The following TLN2 variants were observed in gnomAD, a reference collection of about 807,000 sequenced individuals.
TLN2 encodes talin 2.
TLN2 carries 118 observed loss-of-function variants against 294.7 expected under a neutral mutation model. The ratio of observed to expected loss-of-function variants is 0.40; its 90% CI spans 0.34 to 0.47. The LOEUF is 0.47. Among genes scored for constraint, TLN2 ranks in the 20% least tolerant of loss-of-function variants. The pLI is 0.84. For synonymous variants in TLN2, 1,431 were observed against 1,304.5 expected, an observed-to-expected ratio of 1.10 and a Z score of -2.09; for missense variants, 3,083 against 3,282.2, an observed-to-expected ratio of 0.94 and a Z score of 1.48.
chr15:62,491,293 C>T (rs2038691287), intron 1 of TLN2, among the ~76,000 whole-genome samples: 1 of 150,368 alleles, frequency 6.7e-6, no homozygotes, highest in African/African-American at 2.5e-5. Flanking sequence ...TGCCACTGCA[C>T]TCCAGTCTGA....
intron 9 of TLN2, among the ~76,000 whole-genome samples, chr15:62,662,025 T>C (rs980181625): frequency 6.6e-6 from 1 of 152,156 alleles, no homozygotes; most frequent in African/African-American, 2.4e-5. Flanking sequence ...TAATTTAACA[T>C]ACTTCCCTCA....
chr15:62,445,552 G>A (rs1312609139), intron 1 of TLN2, among the ~76,000 whole-genome samples: 1 of 152,154 alleles, frequency 6.6e-6, no homozygotes, highest in African/African-American at 2.4e-5. Context: ...AAATGTAGCT[G>A]TTTGAGAAGT....
At chr15:62,763,530 G>T in intron 39 of TLN2, 33 bp from the exon 40 acceptor site, 1 of 1,579,646 alleles carries the variant, frequency 6.3e-7, no homozygotes, top group South Asian at 1.1e-5. Flanking sequence ...GAGCCCCATG[G>T]AGCCTGTGTC....
At chr15:62,529,413 G>A (rs1009319373) in intron 1 of TLN2, among the ~76,000 whole-genome samples, 1 of 152,090 alleles carries the variant, frequency 6.6e-6, no homozygotes, top group Admixed American at 6.6e-5. Context: ...ATCGTCTACT[G>A]TAAAGTAACT....
intron 3 of TLN2, among the ~76,000 whole-genome samples, chr15:62,621,440 C>G (rs1036630111): frequency 5.3e-5 from 8 of 152,166 alleles, no homozygotes; most frequent in Non-Finnish European, 8.8e-5. Context: ...AGAAATGATT[C>G]TCTTGGTCAA....
chr15:62,740,719 T>C lies in TLN2; in HGVS notation c.3975T>C (p.Ser1325=). 6.2e-7 allele frequency: 1 copy of C among 1,614,208 alleles called. No homozygotes were observed. The highest frequency in any genetic ancestry group is 1.7e-5 in the Admixed American group (1 of 60,024). ...TGCTGTTAGCTGCCAAGTCTCTCTC[T>C]GTAGATCCAGGAGCTCCCAATGCGA... ...SKLLLAAKSL[S]VDPGAPNAKN... is the part of the protein sequence containing the mutation. The change falls in exon 32 of 59, where the codon TCT becomes TCC. Residue 1325 remains serine, a synonymous_variant. Transcript: ENST00000636159.
intron 2 of TLN2, among the ~76,000 whole-genome samples, chr15:62,616,766 C>T (rs77492484): frequency 0.023 from 3,534 of 152,318 alleles, 75 homozygotes; most frequent in South Asian, 0.075. Context: ...TTCTTAACAT[C>T]ATTATATTCA....
chr15:62,746,004 C>G (rs996472515), intron 32 of TLN2, among the ~76,000 whole-genome samples: 30 of 151,954 alleles, frequency 2.0e-4, no homozygotes, highest in Non-Finnish European at 7.4e-5. Context: ...TGGTTTTTGT[C>G]CCAAGTTTTT....
At chr15:62,695,205 T>C (rs1451890740) in intron 14 of TLN2, among the ~76,000 whole-genome samples, 2 of 152,228 alleles carry the variant, frequency 1.3e-5, no homozygotes, top group African/African-American at 4.8e-5. Flanking sequence ...TTTATGTTAA[T>C]AGAGCAATGT....
At chr15:62,726,640 G>A (rs2060456917) in intron 27 of TLN2, among the ~76,000 whole-genome samples, 2 of 152,158 alleles carry the variant, frequency 1.3e-5, no homozygotes, top group South Asian at 4.1e-4. Context: ...TGCCAGGAAG[G>A]TGGTGCAGCT....
intron 1 of TLN2, among the ~76,000 whole-genome samples, chr15:62,501,312 A>G (rs975695720): frequency 6.6e-6 from 1 of 152,136 alleles, no homozygotes; most frequent in Non-Finnish European, 1.5e-5. Flanking sequence ...AGCAGGCCAC[A>G]TGTGTCTCTC....
At chr15:62,590,978 T>C (rs2046031120) in intron 2 of TLN2, among the ~76,000 whole-genome samples, 1 of 147,268 alleles carries the variant, frequency 6.8e-6, no homozygotes, top group African/African-American at 2.7e-5. Context: ...GACCTATTTC[T>C]ATTTTTTTTT....
chr15:62,595,820 G>A (rs532823631), intron 2 of TLN2, among the ~76,000 whole-genome samples: 3 of 152,286 alleles, frequency 2.0e-5, no homozygotes, highest in East Asian at 1.9e-4. Flanking sequence ...ACAAATACCC[G>A]TGTTCTTAAT....
intron 58 of TLN2, 137 bp from the exon 59 acceptor site, chr15:62,840,345 A>C: frequency 7.7e-7 from 1 of 1,303,924 alleles, no homozygotes; most frequent in Non-Finnish European, 1.1e-6. Flanking sequence ...GCTGGTCGCC[A>C]GAGCTAAGAA....
chr15:62,433,731 G>A (rs530809983), intron 1 of TLN2, among the ~76,000 whole-genome samples: 7 of 152,160 alleles, frequency 4.6e-5, no homozygotes, highest in African/African-American at 1.2e-4. Context: ...TGAATGAATC[G>A]AGTCTCCTGT....
chr15:62,525,217 A>C (rs1467873663), intron 1 of TLN2, among the ~76,000 whole-genome samples: 2 of 152,202 alleles, frequency 1.3e-5, no homozygotes, highest in African/African-American at 2.4e-5. Flanking sequence ...TAATCAGTTT[A>C]TTAAAGTTGA....
chr15:62,697,572 C>T, intron 14 of TLN2, 116 bp from the exon 15 acceptor site: 1 of 1,152,062 alleles, frequency 8.7e-7, no homozygotes, highest in Non-Finnish European at 1.2e-6. Context: ...GTATGTGCCT[C>T]TTTTAGTTGG....
At chr15:62,724,942 G>A in intron 26 of TLN2, 34 bp from the exon 27 acceptor site, 2 of 1,585,926 alleles carry the variant, frequency 1.3e-6, no homozygotes, top group South Asian at 2.3e-5. Flanking sequence ...TTCCCAAGCA[G>A]ACTGGGTATA....
At chr15:62,833,778 G>A in intron 55 of TLN2, 149 bp downstream of exon 55, 1 of 1,160,430 alleles carries the variant, frequency 8.6e-7, no homozygotes, top group Non-Finnish European at 1.2e-6. Flanking sequence ...CTGACCGACT[G>A]AAAACTACAG....
Sources: allele counts gnomAD v4.1 joint callset (sites outside exome capture counted in the v4.1 genomes callset), GRCh38; gene constraint gnomAD v4.1.1; transcripts MANE v1.5; gene names NCBI Gene and HGNC (gene_info 2026-07-23, HGNC 2026-07-21).